PAPPA2: variants seen among roughly 807,000 people sequenced by gnomAD.
The protein encoded by PAPPA2 is pappalysin-2.
PAPPA2 carries 86 observed loss-of-function variants against 176.4 expected under a neutral mutation model. The ratio of observed to expected loss-of-function variants is 0.49; its 90% CI spans 0.41 to 0.58. The LOEUF (loss-of-function observed/expected upper bound fraction) is 0.58, where lower values mean the gene tolerates loss of function less well. PAPPA2 is among the 20% of genes least tolerant of loss of function. PAPPA2 has a pLI of 0.00. For synonymous variants in PAPPA2, 809 were observed against 852.2 expected (o/e 0.95, Z 0.88); for missense variants, 2,073 against 2,256.9 (o/e 0.92, Z 1.65).
At chr1:176,805,707 G>A (rs1340722505) in intron 21 of PAPPA2, among the ~76,000 whole-genome samples, 1 of 152,108 alleles carries the variant, frequency 6.6e-6, no homozygotes, top group African/African-American at 2.4e-5. Context: ...TCAAGGCCAG[G>A]CACAGTGGCT....
In PAPPA2 at chr1:176,699,093, C is replaced by T; in HGVS notation, c.2747-7C>T. 1 of 1,602,946 alleles carries T rather than the reference C, an allele frequency of 6.2e-7. No homozygotes were observed. Among genetic ancestry groups the T allele is most frequent in the Admixed American group, 1.7e-5 (1 of 59,208 alleles). On this transcript the variant is annotated splice_region_variant and splice_polypyrimidine_tract_variant and intron_variant, in intron 7 of 22. Coordinates refer to ENST00000367662, the MANE Select transcript of PAPPA2 (RefSeq NM_020318.3). Reference sequence around the variant, plus strand: ...ACTGATGTATCTTTCTGCTAATCTCCCCCCAGGGCCTCCTGATGTGGATCA... The same window carrying T: ...ACTGATGTATCTTTCTGCTAATCTCTCCCCAGGGCCTCCTGATGTGGATCA...
chr1:176,556,597 C>T lies in PAPPA2; in HGVS notation c.275C>T (p.Thr92Ile). 2 of 1,614,192 alleles carry T rather than the reference C, an allele frequency of 1.2e-6. No homozygotes were observed. Among genetic ancestry groups the T allele is most frequent in the South Asian group, 2.2e-5 (2 of 91,082 alleles). ...GTGGGGGAGCAAGAAATCCATCATA[C>T]AGGACGCAGCAAACCAGACACTGAA... is the stretch of plus-strand genomic sequence containing the variant. ...YPVGEQEIHH[T>I]GRSKPDTEGN... The change falls in exon 2 of 23, where the codon ACA (threonine) becomes ATA (isoleucine). Residue 92 changes from threonine (T) to isoleucine (I), a missense_variant. Around this residue, in one of 4 missense-constraint regions of PAPPA2, gnomAD observed 1,196 missense variants for 1,330.4 expected, o/e 0.90. Coordinates refer to ENST00000367662, the MANE Select transcript of PAPPA2 (RefSeq NM_020318.3).
intron 17 of PAPPA2, among the ~76,000 whole-genome samples, chr1:176,772,338 GAACT>G (rs760372424): frequency 3.9e-5 from 6 of 152,138 alleles, no homozygotes; most frequent in Non-Finnish European, 5.9e-5. Context: ...TTTTGTTTTT[GAACT>G]AACAAAATCC....
intron 1 of PAPPA2, among the ~76,000 whole-genome samples, chr1:176,480,356 G>T (rs925665394): frequency 6.6e-6 from 1 of 152,216 alleles, no homozygotes; most frequent in African/African-American, 2.4e-5. Context: ...TTTTGGGCAG[G>T]CTGACCTGGA....
At chr1:176,518,488 G>C (rs1649042812) in intron 1 of PAPPA2, among the ~76,000 whole-genome samples, 1 of 150,210 alleles carries the variant, frequency 6.7e-6, no homozygotes, top group African/African-American at 2.4e-5. Context: ...CTTACCAGAA[G>C]ACACCCTGAA....
At chr1:176,479,453 C>T (rs1558392911) in intron 1 of PAPPA2, among the ~76,000 whole-genome samples, 1 of 152,100 alleles carries the variant, frequency 6.6e-6, no homozygotes, top group Non-Finnish European at 1.5e-5. Context: ...ACTCTCTGCT[C>T]ACCAGGCTAG....
intron 1 of PAPPA2, among the ~76,000 whole-genome samples, chr1:176,469,299 C>A (rs923637552): frequency 2.0e-5 from 3 of 152,106 alleles, no homozygotes; most frequent in Admixed American, 6.6e-5. Context: ...TCTGTGGTAC[C>A]TATTAAATGC....
At chr1:176,752,198 C>G (rs1406884092) in intron 14 of PAPPA2, among the ~76,000 whole-genome samples, 75 of 100,670 alleles carry the variant, frequency 7.5e-4, no homozygotes, top group Non-Finnish European at 1.2e-3. Context: ...GTGGTGGGGT[C>G]GGGGGAGGGG....
intron 3 of PAPPA2, among the ~76,000 whole-genome samples, chr1:176,669,296 C>A (rs537659256): frequency 6.6e-6 from 1 of 152,044 alleles, no homozygotes; most frequent in Non-Finnish European, 1.5e-5. Context: ...TCTTCTCTTT[C>A]TTTTTCTTTT....
chr1:176,660,011 C>T (rs1229312696), intron 3 of PAPPA2, among the ~76,000 whole-genome samples: 3 of 152,112 alleles, frequency 2.0e-5, no homozygotes, highest in African/African-American at 4.8e-5. Flanking sequence ...TGTCCCCACC[C>T]CTGTCATCTA....
intron 14 of PAPPA2, among the ~76,000 whole-genome samples, chr1:176,756,075 C>T (rs918921341): frequency 6.6e-6 from 1 of 152,158 alleles, no homozygotes; most frequent in African/African-American, 2.4e-5. Context: ...TCTCCTGCCT[C>T]AGTCTCCCAA....
At chr1:176,562,904 C>T (rs971966528) in intron 2 of PAPPA2, among the ~76,000 whole-genome samples, 2 of 152,166 alleles carry the variant, frequency 1.3e-5, no homozygotes, top group African/African-American at 4.8e-5. Flanking sequence ...TTTCTCGAAG[C>T]CTGTGGCCAT....
At chr1:176,525,716 A>G (rs960291294) in intron 1 of PAPPA2, among the ~76,000 whole-genome samples, 3 of 152,222 alleles carry the variant, frequency 2.0e-5, no homozygotes, top group Non-Finnish European at 2.9e-5. Flanking sequence ...CTAGAAATCA[A>G]TCATGTGGCA....
chr1:176,631,317 A>G (rs750638893), intron 3 of PAPPA2, among the ~76,000 whole-genome samples: 4 of 152,202 alleles, frequency 2.6e-5, no homozygotes, highest in African/African-American at 4.8e-5. Flanking sequence ...CACTTATATT[A>G]CATACCCAGA....
intron 1 of PAPPA2, among the ~76,000 whole-genome samples, chr1:176,552,311 TCTC>T (rs1360806197): frequency 6.8e-6 from 1 of 147,750 alleles, no homozygotes; most frequent in Non-Finnish European, 1.5e-5. Flanking sequence ...CATTTTACCC[TCTC>T]CTCCTCCATC....
intron 3 of PAPPA2, among the ~76,000 whole-genome samples, chr1:176,596,388 GC>G (rs998231706): frequency 3.9e-5 from 6 of 152,030 alleles, no homozygotes; most frequent in African/African-American, 1.5e-4. Context: ...GCTTTTTTCT[GC>G]CCTCAGGGCT....
chr1:176,638,089 A>G (rs917311152), intron 3 of PAPPA2, among the ~76,000 whole-genome samples: 6 of 152,118 alleles, frequency 3.9e-5, no homozygotes, highest in Non-Finnish European at 7.4e-5. Flanking sequence ...TTTTGAAAGG[A>G]AGTACAACAC....
intron 1 of PAPPA2, among the ~76,000 whole-genome samples, chr1:176,501,517 C>T (rs1449510659): frequency 6.6e-6 from 1 of 152,134 alleles, no homozygotes; most frequent in East Asian, 1.9e-4. Context: ...TCTACAGAAA[C>T]TTAAAATGGG....
chr1:176,675,149 C>G (rs1304548148), intron 4 of PAPPA2, among the ~76,000 whole-genome samples: 1 of 152,032 alleles, frequency 6.6e-6, no homozygotes, highest in Non-Finnish European at 1.5e-5. Context: ...CTGAAACACT[C>G]TTAATCCTTG....
Sources: gnomAD v4.1 joint callset for allele counts (sites outside exome capture counted in the v4.1 genomes callset) on GRCh38, gnomAD v4.1.1 for gene constraint, gnomAD v4.1.1 regional missense constraint, MANE v1.5 for transcripts, NCBI Gene and HGNC (gene_info 2026-07-23, HGNC 2026-07-21) for gene names.